Variants in SMAD3 observed in about 807,000 individuals in gnomAD.
SMAD3 encodes the protein MAD homolog 3.
Under a neutral mutation model 51.8 loss-of-function variants are expected in SMAD3, and 12 were observed. That is an observed-to-expected ratio of 0.23 (90% CI 0.15 to 0.38). SMAD3 has a LOEUF of 0.38. SMAD3 is among the 10% of genes least tolerant of loss of function. SMAD3 has a pLI of 1.00. For synonymous variants in SMAD3, 238 were observed against 227.7 expected (o/e 1.05, Z -0.41); for missense variants, 294 against 565.6 (o/e 0.52, Z 4.87).
At chr15:67,087,175 A>C (rs1960412134) in intron 1 of SMAD3, among the ~76,000 whole-genome samples, 1 of 152,172 alleles carries the variant, frequency 6.6e-6, no homozygotes, top group African/African-American at 2.4e-5. Context: ...GGCATGAGCC[A>C]CAGCACCAGC....
chr15:67,101,187 A>G (rs978889193), intron 1 of SMAD3, among the ~76,000 whole-genome samples: 2 of 152,180 alleles, frequency 1.3e-5, no homozygotes, highest in African/African-American at 4.8e-5. Context: ...GTGCAAATAC[A>G]TACGTTTGGT....
At chr15:67,154,944 A>G (rs2140281374) in intron 1 of SMAD3, among the ~76,000 whole-genome samples, 1 of 152,362 alleles carries the variant, frequency 6.6e-6, no homozygotes, top group East Asian at 1.9e-4. Context: ...CATGTGTTTT[A>G]CACACGTCAT....
chr15:67,066,477 G>A (rs1959921568), intron 1 of SMAD3, 117 bp downstream of exon 1: 1 of 815,690 alleles, frequency 1.2e-6, no homozygotes, highest in Non-Finnish European at 2.0e-6. Flanking sequence ...GAGTGAGACT[G>A]TGTGGGTGCG....
intron 5 of SMAD3, among the ~76,000 whole-genome samples, chr15:67,179,892 A>AGAGAT (rs564243921): frequency 3.9e-5 from 6 of 152,062 alleles, no homozygotes; most frequent in African/African-American, 1.4e-4. Context: ...GCGAGGGAGG[A>AGAGAT]GAGATGTCAG....
chr15:67,098,721 CT>C (rs1960676333), intron 1 of SMAD3: 3 of 609,506 alleles, frequency 4.9e-6, no homozygotes, highest in African/African-American at 1.8e-5. Flanking sequence ...CCACAGGACA[CT>C]TGGGGAGGCT....
At chr15:67,164,271 C>T (rs549257858) in intron 1 of SMAD3, among the ~76,000 whole-genome samples, 16 of 141,058 alleles carry the variant, frequency 1.1e-4, no homozygotes, top group Non-Finnish European at 2.4e-4. Flanking sequence ...GCCGAGATGG[C>T]GCCACTACAC....
chr15:67,181,480 C>T (rs760674052), intron 6 of SMAD3, 27 bp downstream of exon 6: 2 of 1,499,740 alleles, frequency 1.3e-6, no homozygotes, highest in East Asian at 2.5e-5. Context: ...TTCCCCGCCC[C>T]CCCACCCTGC....
At position 67,120,848 on chromosome 15, in the gene SMAD3, T is replaced by G. The variant is rs1403579729; in HGVS notation, c.207-44047T>G. ...AAATTCATAAACTTTCTGAAAACAT[T>G]GTAAGATTTTTTTTTTGCGATTATT... On this transcript the variant is annotated intron_variant, in intron 1 of 8. Transcript: ENST00000327367. 2.6e-5 allele frequency among the ~76,000 whole-genome samples: 4 copies of G among 152,248 alleles called. No homozygotes were observed. The East Asian group carries it at 5.8e-4, about 22-fold the overall frequency.
intron 1 of SMAD3, among the ~76,000 whole-genome samples, chr15:67,070,545 A>G (rs1013795671): frequency 1.3e-5 from 2 of 151,902 alleles, no homozygotes; most frequent in Non-Finnish European, 1.5e-5. Context: ...ATGCAGAGAC[A>G]CGTTTGAGAA....
rs1960659773 is a variant in SMAD3 at position 67,098,309 on chromosome 15, T to TA, written c.206+31955dup. The stretch of plus-strand genomic sequence containing the variant: ...CCCCACCCCACCACCCAAGACAGAT[T>TA]AAAAAAGAAGGAAGGAGGGAGGGAG... On this transcript the variant is annotated intron_variant, in intron 1 of 8. Coordinates refer to ENST00000327367, the MANE Select transcript of SMAD3 (RefSeq NM_005902.4). 9.0e-5 allele frequency among the ~76,000 whole-genome samples: 5 copies of TA among 55,414 alleles called. No individual in the cohort carries two copies. In the South Asian group the frequency reaches 3.4e-3, roughly 38 times the overall value. The allele number at this position is 55,414 out of a possible 152,430, so 36.4% of individuals were successfully genotyped here.
At chr15:67,165,468 C>T (rs1432312495) in intron 3 of SMAD3, 84 bp downstream of exon 3, 4 of 1,523,060 alleles carry the variant, frequency 2.6e-6, no homozygotes, top group African/African-American at 2.7e-5. Context: ...CCAATCTCTG[C>T]CCCCTGGCCG....
At chr15:67,081,912 G>A (rs1418981142) in intron 1 of SMAD3, among the ~76,000 whole-genome samples, 1 of 152,084 alleles carries the variant, frequency 6.6e-6, no homozygotes, top group African/African-American at 2.4e-5. Context: ...ATGGAGGTAG[G>A]TGCTTAGTAA....
At chr15:67,134,021 C>G (rs1361933652) in intron 1 of SMAD3, among the ~76,000 whole-genome samples, 1 of 151,960 alleles carries the variant, frequency 6.6e-6, no homozygotes, top group African/African-American at 2.4e-5. Flanking sequence ...TCACGTTTAG[C>G]ACCTTCACGT....
At chr15:67,131,408 G>A (rs1177678144) in intron 1 of SMAD3, among the ~76,000 whole-genome samples, 1 of 152,226 alleles carries the variant, frequency 6.6e-6, no homozygotes, top group African/African-American at 2.4e-5. Flanking sequence ...CAGGCATCGA[G>A]CTGTGTTCTC....
At chr15:67,068,395 G>A (rs1220033199) in intron 1 of SMAD3, among the ~76,000 whole-genome samples, 5 of 152,236 alleles carry the variant, frequency 3.3e-5, no homozygotes, top group African/African-American at 1.2e-4. Flanking sequence ...TTGGGCTGGT[G>A]ATAGCTTGGC....
intron 1 of SMAD3, chr15:67,142,868 A>G (rs911216324): frequency 6.6e-6 from 3 of 454,806 alleles, no homozygotes; most frequent in African/African-American, 2.0e-5. Flanking sequence ...ACACAGGGAC[A>G]TGATCCCATG....
chr15:67,165,435 G>A, intron 3 of SMAD3, 51 bp downstream of exon 3: 1 of 1,605,548 alleles, frequency 6.2e-7, no homozygotes, highest in African/African-American at 1.3e-5. Context: ...GCAGCGGTCA[G>A]CCCCGACATC....
At chr15:67,136,743 GAAGTA>G (rs1961673578) in intron 1 of SMAD3, among the ~76,000 whole-genome samples, 1 of 152,206 alleles carries the variant, frequency 6.6e-6, no homozygotes, top group African/African-American at 2.4e-5. Context: ...AACACATGGA[GAAGTA>G]AAGAGTGAAA....
intron 5 of SMAD3, among the ~76,000 whole-genome samples, chr15:67,173,430 A>T (rs879782705): frequency 6.6e-6 from 1 of 152,094 alleles, no homozygotes; most frequent in Non-Finnish European, 1.5e-5. Context: ...TGAAGGACAG[A>T]TGGGACCCTG....
Sources: gnomAD v4.1 joint callset for allele counts (sites outside exome capture counted in the v4.1 genomes callset) on GRCh38, gnomAD v4.1.1 for gene constraint, MANE v1.5 for transcripts, NCBI Gene and HGNC (gene_info 2026-07-23, HGNC 2026-07-21) for gene names.